Variants in FRAS1 observed in about 807,000 individuals in gnomAD.
The protein encoded by FRAS1 is extracellular matrix organizing protein FRAS1.
In FRAS1, 290 loss-of-function variants were observed where a neutral mutation model predicts 435.2. The observed-to-expected ratio is 0.67, with a 90% CI of 0.61 to 0.73. FRAS1 has a LOEUF of 0.73. Among genes scored for constraint, FRAS1 ranks in the 30% least tolerant of loss-of-function variants. FRAS1 has a pLI of 0.00. For synonymous variants in FRAS1, 1,800 were observed against 1,851.0 expected, an observed-to-expected ratio of 0.97 and a Z score of 0.71; for missense variants, 4,860 against 5,001.5, an observed-to-expected ratio of 0.97 and a Z score of 0.85.
chr4:78,057,918 C>A lies in FRAS1; in HGVS notation c.-92C>A. ...CCCGCGGTCCCCCACCTTCAGTGCG[C>A]CCGGGTTCCAAGCGCCGGAGCCAGC... On this transcript the variant is annotated 5_prime_UTR_variant, in exon 1 of 74. Coordinates refer to ENST00000512123, the MANE Select transcript of FRAS1 (RefSeq NM_025074.7). This position sits in a 1 kb window ranked among gnomAD's most constrained non-coding sequence, Gnocchi z 4.2. The A allele has an allele frequency of 8.1e-7, 1 of 1,232,360 alleles. No homozygotes were observed. The highest frequency in any genetic ancestry group is 1.2e-6 in the Non-Finnish European group (1 of 846,440). The allele number at this position is 1,232,360 out of a possible 1,614,324, so 76.3% of individuals were successfully genotyped here.
chr4:78,383,196 C>G (rs1057285657), intron 27 of FRAS1, among the ~76,000 whole-genome samples: 4 of 152,002 alleles, frequency 2.6e-5, no homozygotes, highest in African/African-American at 9.7e-5. Context: ...TTTTTGGTTG[C>G]AAGTAATGGA....
At chr4:78,357,354 A>G (rs1730895669) in intron 20 of FRAS1, among the ~76,000 whole-genome samples, 1 of 152,168 alleles carries the variant, frequency 6.6e-6, no homozygotes, top group Non-Finnish European at 1.5e-5. Context: ...CTGTGTCCCC[A>G]TGACAAAATT....
At chr4:78,194,689 G>GT (rs1347277652) in intron 2 of FRAS1, among the ~76,000 whole-genome samples, 1 of 151,886 alleles carries the variant, frequency 6.6e-6, no homozygotes, top group African/African-American at 2.4e-5. Flanking sequence ...TTTTTTCAAG[G>GT]TTTTTAACTT....
chr4:78,451,484 T>C (rs1719020734), intron 45 of FRAS1, among the ~76,000 whole-genome samples: 1 of 152,072 alleles, frequency 6.6e-6, no homozygotes, highest in South Asian at 2.1e-4. Flanking sequence ...TTTCATGAGG[T>C]GTCCTTAGAG....
intron 2 of FRAS1, among the ~76,000 whole-genome samples, chr4:78,224,309 A>G (rs183297994): frequency 1.3e-4 from 20 of 152,370 alleles, no homozygotes; most frequent in Non-Finnish European, 2.8e-4. Flanking sequence ...CAGTTGTGTG[A>G]TAACTGACCA....
At chr4:78,222,443 G>A (rs1041450899) in intron 2 of FRAS1, among the ~76,000 whole-genome samples, 1 of 152,144 alleles carries the variant, frequency 6.6e-6, no homozygotes, top group African/African-American at 2.4e-5. Flanking sequence ...TGCACACAGC[G>A]ACTTCTCCGT....
At chr4:78,511,837 C>A (rs114578556) in intron 64 of FRAS1, among the ~76,000 whole-genome samples, 192 of 152,326 alleles carry the variant, frequency 1.3e-3, no homozygotes, top group African/African-American at 4.5e-3. Flanking sequence ...TGGCCGGAAC[C>A]CTACTGTCCT....
chr4:78,173,287 C>G (rs761539510), intron 2 of FRAS1, among the ~76,000 whole-genome samples: 5 of 152,216 alleles, frequency 3.3e-5, no homozygotes, highest in Non-Finnish European at 5.9e-5. Flanking sequence ...ATACCTTTGT[C>G]CCATACCCCA....
At chr4:78,343,846 A>C (rs759926180) in intron 20 of FRAS1, among the ~76,000 whole-genome samples, 5 of 152,212 alleles carry the variant, frequency 3.3e-5, no homozygotes, top group Non-Finnish European at 7.3e-5. Context: ...ACTGGAAGCC[A>C]GAGAAGTGAG....
intron 58 of FRAS1, among the ~76,000 whole-genome samples, chr4:78,487,786 A>G (rs1424304972): frequency 6.6e-6 from 1 of 152,190 alleles, no homozygotes; most frequent in Admixed American, 6.5e-5. Flanking sequence ...ACAATTCTAT[A>G]TTAGATATTA....
At chr4:78,516,766 G>A (rs147822591) in intron 66 of FRAS1, among the ~76,000 whole-genome samples, 314 of 152,306 alleles carry the variant, frequency 2.1e-3, no homozygotes, top group African/African-American at 7.4e-3. Flanking sequence ...AAAACCATCA[G>A]ATCTCATGAG....
intron 23 of FRAS1, 44 bp downstream of exon 23, chr4:78,370,028 A>T (rs1378040212): frequency 6.3e-7 from 1 of 1,580,328 alleles, no homozygotes; most frequent in African/African-American, 1.3e-5. Flanking sequence ...TTACACAGTG[A>T]TACCACTTTA....
At chr4:78,428,945 A>T in intron 35 of FRAS1, 150 bp from the exon 36 acceptor site, 1 of 600,720 alleles carries the variant, frequency 1.7e-6, no homozygotes, top group Non-Finnish European at 2.8e-6. Flanking sequence ...GCATCTCTTC[A>T]AAGGTTAAAG....
chr4:78,373,207 C>T (rs182062881), intron 24 of FRAS1, among the ~76,000 whole-genome samples: 1 of 152,052 alleles, frequency 6.6e-6, no homozygotes, highest in Admixed American at 6.6e-5. Context: ...CATAGGAAGA[C>T]CCGATTATTT....
intron 2 of FRAS1, among the ~76,000 whole-genome samples, chr4:78,187,290 C>T (rs1478452171): frequency 2.0e-5 from 3 of 152,180 alleles, no homozygotes; most frequent in Non-Finnish European, 4.4e-5. Flanking sequence ...TTGTCCTCAT[C>T]AGCTGGACAA....
chr4:78,096,370 G>A (rs951894302), intron 2 of FRAS1, among the ~76,000 whole-genome samples: 2 of 152,282 alleles, frequency 1.3e-5, no homozygotes, highest in East Asian at 1.9e-4. Context: ...ACCATTCCGG[G>A]GTCTGGAGGA....
intron 49 of FRAS1, 82 bp downstream of exon 49, chr4:78,464,665 C>G (rs1719474066): frequency 2.7e-6 from 4 of 1,480,036 alleles, no homozygotes; most frequent in Admixed American, 1.8e-5. Context: ...GCTGTGCATC[C>G]TGATGGTAGG....
At chr4:78,275,117 A>G (rs761515265) in intron 9 of FRAS1, among the ~76,000 whole-genome samples, 8 of 152,090 alleles carry the variant, frequency 5.3e-5, no homozygotes, top group Non-Finnish European at 1.2e-4. Flanking sequence ...AGTCTGTTTT[A>G]TCAGAGACTA....
intron 2 of FRAS1, among the ~76,000 whole-genome samples, chr4:78,194,617 C>T (rs1450155136): frequency 6.6e-6 from 1 of 152,184 alleles, no homozygotes; most frequent in Non-Finnish European, 1.5e-5. Flanking sequence ...TGGTTTTCAG[C>T]TCCATCAGGT....
Sources: allele counts gnomAD v4.1 joint callset (sites outside exome capture counted in the v4.1 genomes callset), GRCh38; gene constraint gnomAD v4.1.1; non-coding constraint Gnocchi (gnomAD v3.1); transcripts MANE v1.5; gene names NCBI Gene and HGNC (gene_info 2026-07-23, HGNC 2026-07-21).